Variants in PLA2G4C observed in about 807,000 individuals in gnomAD.
PLA2G4C encodes the protein phospholipase A2 group IVC, also known as cytosolic phospholipase A2 gamma.
Under a neutral mutation model 73.8 loss-of-function variants are expected in PLA2G4C, and 64 were observed. That is an observed-to-expected ratio of 0.87 (90% CI 0.71 to 1.07). The LOEUF (loss-of-function observed/expected upper bound fraction) is 1.07. PLA2G4C is among the 50% of genes least tolerant of loss of function. The probability of loss-of-function intolerance (pLI) is 0.00; values close to 1 mark genes in which losing one functional copy is unlikely to be tolerated. For missense variants in PLA2G4C, 622 were observed against 665.4 expected (o/e 0.93, Z 0.72); for synonymous variants, 254 against 252.1 (o/e 1.01, Z -0.07).
intron 8 of PLA2G4C, 47 bp from the exon 9 acceptor site, chr19:48,088,759 T>C (rs1384412122): frequency 7.3e-7 from 1 of 1,370,660 alleles, no homozygotes. Flanking sequence ...TACAACAAAG[T>C]CCCTAGTTAT....
At chr19:48,084,096 G>T (rs1450530463) in intron 10 of PLA2G4C, among the ~76,000 whole-genome samples, 1 of 149,742 alleles carries the variant, frequency 6.7e-6, no homozygotes, top group Non-Finnish European at 1.5e-5. Flanking sequence ...GTCTTGCTCT[G>T]TTGCCCAGAC....
intron 14 of PLA2G4C, among the ~76,000 whole-genome samples, chr19:48,059,959 C>T (rs1202649401): frequency 2.0e-5 from 3 of 151,788 alleles, no homozygotes; most frequent in African/African-American, 4.8e-5. Flanking sequence ...TTAGTAGAGA[C>T]GGGATTTCAC....
intron 2 of PLA2G4C, among the ~76,000 whole-genome samples, chr19:48,106,168 G>C (rs2032228232): frequency 6.7e-6 from 1 of 150,282 alleles, no homozygotes; most frequent in Admixed American, 6.7e-5. Context: ...CTGCAGCCTT[G>C]AACACCGGGA....
Position 48,077,764 on chromosome 19 carries a change from T to C in PLA2G4C, c.898+7A>G, listed in dbSNP as rs1289830232. ...ATTAGGGATTCATGGCAAAGTAGGA[T>C]GCTTACCTTCTGGGGGAGGATGTTC... On this transcript the variant is annotated splice_region_variant and intron_variant, in intron 11 of 16. Coordinates refer to ENST00000599921, the MANE Select transcript of PLA2G4C (RefSeq NM_003706.3). The C allele has an allele frequency of 1.2e-6, 2 of 1,602,328 alleles. No individual in the cohort carries two copies. Among genetic ancestry groups the C allele is most frequent in the Admixed American group, 1.7e-5 (1 of 58,764 alleles).
intron 1 of PLA2G4C, chr19:48,108,684 C>G (rs2032347034): frequency 6.6e-6 from 1 of 152,236 alleles, no homozygotes; most frequent in African/African-American, 2.4e-5. Flanking sequence ...ATCCCAGCAC[C>G]TTAAGAGGCC....
intron 4 of PLA2G4C, 192 bp downstream of exon 4, chr19:48,104,396 C>T: frequency 1.8e-6 from 1 of 551,544 alleles, no homozygotes; most frequent in East Asian, 3.2e-5. Flanking sequence ...GACTGAGCCC[C>T]TTTCACCTGT....
intron 7 of PLA2G4C, among the ~76,000 whole-genome samples, chr19:48,095,199 A>C (rs553024262): frequency 3.9e-5 from 6 of 152,280 alleles, no homozygotes; most frequent in African/African-American, 1.4e-4. Context: ...TGGAAGCCAC[A>C]GCCCTGGACT....
chr19:48,090,506 G>C (rs1306982857), intron 7 of PLA2G4C, 89 bp from the exon 8 acceptor site: 8 of 916,150 alleles, frequency 8.7e-6, no homozygotes, highest in Non-Finnish European at 1.3e-5. Context: ...CTGGCATAAA[G>C]CACTGCAGGG....
At chr19:48,075,010 T>A in intron 11 of PLA2G4C, 136 bp from the exon 12 acceptor site, 1 of 573,712 alleles carries the variant, frequency 1.7e-6, no homozygotes, top group South Asian at 2.3e-5. Flanking sequence ...GGTGACCCTC[T>A]CTCCCCTTGC....
chr19:48,065,576 C>T (rs577277909), intron 13 of PLA2G4C, among the ~76,000 whole-genome samples: 3 of 150,738 alleles, frequency 2.0e-5, no homozygotes, highest in African/African-American at 7.3e-5. Context: ...GGTGACAGAG[C>T]GAGACTCCAT....
At chr19:48,092,976 T>A (rs1216371805) in intron 7 of PLA2G4C, among the ~76,000 whole-genome samples, 1 of 152,106 alleles carries the variant, frequency 6.6e-6, no homozygotes, top group African/African-American at 2.4e-5. Context: ...AGGGGAGGGA[T>A]AAAATACACG....
intron 16 of PLA2G4C, among the ~76,000 whole-genome samples, chr19:48,049,758 A>T (rs1407078719): frequency 6.6e-6 from 1 of 152,186 alleles, no homozygotes; most frequent in Non-Finnish European, 1.5e-5. Context: ...GAAGGTGGGG[A>T]GTGGACAGGC....
chr19:48,056,273 C>A (rs188639404), intron 14 of PLA2G4C, among the ~76,000 whole-genome samples: 204 of 152,220 alleles, frequency 1.3e-3, no homozygotes, highest in African/African-American at 4.7e-3. Context: ...GCGGGCCAGG[C>A]GTGGTGGCTC....
At chr19:48,105,094 A>AAC (rs2032105088) in intron 3 of PLA2G4C, among the ~76,000 whole-genome samples, 2 of 146,874 alleles carry the variant, frequency 1.4e-5, no homozygotes, top group African/African-American at 5.3e-5. Context: ...AAAAAAAAAA[A>AAC]AAAAAAAAAA....
At chr19:48,051,270 G>A (rs1967714498) in intron 16 of PLA2G4C, among the ~76,000 whole-genome samples, 1 of 152,118 alleles carries the variant, frequency 6.6e-6, no homozygotes, top group South Asian at 2.1e-4. Flanking sequence ...TTTGGGTTTT[G>A]CTCCATAACA....
chr19:48,090,653 T>C (rs2031241734), intron 7 of PLA2G4C: 1 of 513,924 alleles, frequency 1.9e-6, no homozygotes, highest in Non-Finnish European at 3.5e-6. Flanking sequence ...ACGAACCTTC[T>C]ATGGGTGGAG....
At chr19:48,109,163 A>AC (rs1396972741) in intron 1 of PLA2G4C, among the ~76,000 whole-genome samples, 3 of 143,724 alleles carry the variant, frequency 2.1e-5, no homozygotes, top group East Asian at 2.3e-4. Flanking sequence ...CAGTTTCAAG[A>AC]CCCCCCTTAT....
rs1005168337 is a variant in PLA2G4C, at chr19:48,068,140, A to T, written c.1007-254T>A. Among the ~76,000 whole-genome samples the T allele has an allele frequency of 3.9e-5, 6 of 152,234 alleles. No homozygotes were observed. In the East Asian group the frequency reaches 1.2e-3, roughly 29 times the overall value. ...AACATGGTGAAACCCTGTCTCTACT[A>T]AAAATACAAAAATTAGCTGGGCGTG... On this transcript the variant is annotated intron_variant, in intron 12 of 16. Transcript: ENST00000599921.
At chr19:48,055,787 A>G (rs539337561) in intron 14 of PLA2G4C, among the ~76,000 whole-genome samples, 24 of 152,018 alleles carry the variant, frequency 1.6e-4, no homozygotes, top group Non-Finnish European at 2.9e-4. Flanking sequence ...GACATGCTCC[A>G]CCACGCCCGG....
Sources: gnomAD v4.1 joint callset for allele counts (sites outside exome capture counted in the v4.1 genomes callset) on GRCh38, gnomAD v4.1.1 for gene constraint, MANE v1.5 for transcripts, NCBI Gene and HGNC (gene_info 2026-07-23, HGNC 2026-07-21) for gene names.